RAB33A: variants seen among roughly 807,000 people sequenced by gnomAD.
RAB33A encodes ras-related protein Rab-33A.
RAB33A carries 6 observed loss-of-function variants against 12.0 expected under a neutral mutation model. That is an observed-to-expected ratio of 0.50 (90% CI 0.27 to 0.99). The LOEUF (loss-of-function observed/expected upper bound fraction) is 0.99, where lower values mean the gene tolerates loss of function less well. Among genes scored for constraint, RAB33A ranks in the 50% least tolerant of loss-of-function variants. RAB33A has a pLI of 0.11. For missense variants in RAB33A, 109 were observed against 192.0 expected (o/e 0.57, Z 2.55); for synonymous variants, 70 against 82.4 (o/e 0.85, Z 0.81).
upstream of RAB33A, among the ~76,000 whole-genome samples, chrX:130,168,522 C>T (rs1040481829): frequency 9.0e-5 from 10 of 111,028 alleles, no homozygotes; most frequent in Non-Finnish European, 1.7e-4. Context: ...CCTACAAAGA[C>T]ACCCTTCTGT....
At chrX:130,176,271 T>G (rs779513024) in intron 1 of RAB33A, among the ~76,000 whole-genome samples, 25 of 110,020 alleles carry the variant, frequency 2.3e-4, no homozygotes, top group African/African-American at 6.9e-4. Context: ...CGAATAGGGG[T>G]GTGTGTGTGT....
intron 1 of RAB33A, among the ~76,000 whole-genome samples, chrX:130,178,738 G>A (rs1166224577): frequency 2.7e-5 from 3 of 109,318 alleles, no homozygotes; most frequent in African/African-American, 1.0e-4. Context: ...TGCAAGCTCC[G>A]CCTCCCAGGT....
chrX:130,148,608 C>T, the RAB33A span, among the ~76,000 whole-genome samples: 52,211 of 108,956 alleles, frequency 0.48, 9,660 homozygotes, highest in African/African-American at 0.65. Context: ...CCGAAGCAGG[C>T]GGATCACCTG....
chrX:130,153,549 T>C, the RAB33A span, among the ~76,000 whole-genome samples: 1 of 111,150 alleles, frequency 9.0e-6, no homozygotes, highest in Non-Finnish European at 1.9e-5. Context: ...TTCCTATTCC[T>C]ATATTGAAGC....
chrX:130,140,604 T>G, the RAB33A span: 14 of 1,206,737 alleles, frequency 1.2e-5, no homozygotes, highest in Non-Finnish European at 1.3e-5. Flanking sequence ...GTCTCTCACA[T>G]CCAGCTGTAC....
At chrX:130,157,658 T>C in the RAB33A span, among the ~76,000 whole-genome samples, 7 of 112,203 alleles carry the variant, frequency 6.2e-5, no homozygotes, top group Admixed American at 9.4e-5. Flanking sequence ...CGAAATTCTT[T>C]TTTTTTTCAG....
At chrX:130,116,916 A>AAAAC in the RAB33A span, among the ~76,000 whole-genome samples, 1 of 112,240 alleles carries the variant, frequency 8.9e-6, no homozygotes, top group Non-Finnish European at 1.9e-5. Context: ...TACAATCATT[A>AAAAC]AAACAGTTAT....
the RAB33A span, among the ~76,000 whole-genome samples, chrX:130,160,942 T>C: frequency 9.0e-6 from 1 of 110,889 alleles, no homozygotes. Flanking sequence ...CTTAAGAGTT[T>C]TTTTTAAAAA....
At chrX:130,121,252 C>CTTT in the RAB33A span, among the ~76,000 whole-genome samples, 2 of 94,777 alleles carry the variant, frequency 2.1e-5, no homozygotes, top group Non-Finnish European at 4.2e-5. Context: ...CTTTTCTTTT[C>CTTT]TTTTTTTTTT....
chrX:130,176,269 G>GGT lies in RAB33A; in HGVS notation c.258+3964_258+3965dup, dbSNP rs748360913. On this transcript the variant is annotated intron_variant, in intron 1 of 1. Transcript: ENST00000257017. The stretch of plus-strand genomic sequence containing the variant: ...AATGCATTGGAAAATGCCGAATAGG[G>GGT]GTGTGTGTGTGTGTGTAGAGAGGGA... Among the ~76,000 whole-genome samples the GGT allele has an allele frequency of 2.7e-3, 304 of 110,907 alleles. 1 individual carries two copies. Among genetic ancestry groups the GGT allele is most frequent in the African/African-American group, 8.5e-3 (261 of 30,585 alleles).
chrX:130,171,964 A>T lies in RAB33A; in HGVS notation c.-99A>T. 1 of 975,472 alleles carries T rather than the reference A, an allele frequency of 1.0e-6. No homozygotes were observed. The highest frequency in any genetic ancestry group is 1.4e-6 in the Non-Finnish European group (1 of 735,682). 80.4% of individuals were successfully genotyped at this position (975,472 alleles called of 1,213,427 possible). ...GACACACACACACGCGCGCACACAC[A>T]CACGCACAGAGCTCGCTCGCCTCGA... On this transcript the variant is annotated 5_prime_UTR_variant, in exon 1 of 2. Coordinates refer to ENST00000257017, the MANE Select transcript of RAB33A (RefSeq NM_004794.3).
chrX:130,161,548 G>C, the RAB33A span, among the ~76,000 whole-genome samples: 1 of 104,452 alleles, frequency 9.6e-6, no homozygotes, highest in Non-Finnish European at 1.9e-5. Context: ...GACAAGCCTA[G>C]ATAGTCTGTC....
At chrX:130,132,742 CTTTTTTTT>C in the RAB33A span, among the ~76,000 whole-genome samples, 1 of 69,886 alleles carries the variant, frequency 1.4e-5, no homozygotes, top group Admixed American at 1.7e-4. Flanking sequence ...TCTGACACTC[CTTTTTTTT>C]TTTTTTTTTT....
At chrX:130,133,555 G>GAAAACATGAAT in the RAB33A span, 1 of 1,003,100 alleles carries the variant, frequency 1.0e-6, no homozygotes, top group East Asian at 3.1e-5. Flanking sequence ...ACTTGTAATG[G>GAAAACATGAAT]TAACTAATTC....
chrX:130,165,625 G>C, the RAB33A span: 2 of 1,201,347 alleles, frequency 1.7e-6, no homozygotes. Context: ...CTGCTTCAAA[G>C]CACCCGCCGC....
the RAB33A span, chrX:130,145,357 G>C: frequency 6.9e-6 from 4 of 580,703 alleles, no homozygotes; most frequent in Non-Finnish European, 1.2e-5. Context: ...AAAGCAGCTC[G>C]ATCCTTCTTT....
In RAB33A at chrX:130,172,206, C is replaced by T. The variant is rs2031617157; in HGVS notation, c.144C>T (p.Gly48=). The change falls in exon 1 of 2, where the codon GGC becomes GGT. Residue 48 remains glycine (G), a synonymous_variant. Transcript: ENST00000257017. ...TCGTGATTGGGGACTCCAACGTGGGCAAGACCTGCCTGACCTTCCGCTTCT... is the reference window on the plus strand; with the variant it reads ...TCGTGATTGGGGACTCCAACGTGGGTAAGACCTGCCTGACCTTCCGCTTCT... The part of the protein sequence containing the change: ...KIIVIGDSNV[G]KTCLTFRFCG... 1.6e-6 allele frequency: 2 copies of T among 1,212,354 alleles called. No homozygotes were observed. Among genetic ancestry groups the T allele is most frequent in the African/African-American group, 3.4e-5 (2 of 57,992 alleles).
chrX:130,158,447 CA>C, the RAB33A span, among the ~76,000 whole-genome samples: 1 of 110,255 alleles, frequency 9.1e-6, no homozygotes, highest in East Asian at 2.8e-4. Flanking sequence ...TTTTATAAAA[CA>C]AAGCTGGCCA....
chrX:130,117,634 C>T, the RAB33A span, among the ~76,000 whole-genome samples: 4 of 112,460 alleles, frequency 3.6e-5, no homozygotes, highest in Non-Finnish European at 7.5e-5. Flanking sequence ...TGAGGGCAAG[C>T]CCCCTGGAGT....
Sources: gnomAD v4.1 joint callset for allele counts (sites outside exome capture counted in the v4.1 genomes callset) on GRCh38, gnomAD v4.1.1 for gene constraint, MANE v1.5 for transcripts, NCBI Gene and HGNC (gene_info 2026-07-23, HGNC 2026-07-21) for gene names.